The following CDCA7 variants were observed in gnomAD, a reference collection of about 807,000 sequenced individuals.
CDCA7 encodes the protein cell division cycle associated 7.
Under a neutral mutation model 54.0 loss-of-function variants are expected in CDCA7, and 28 were observed. The observed-to-expected ratio is 0.52, with a 90% CI of 0.38 to 0.71. CDCA7 has a LOEUF of 0.71. Among genes scored for constraint, CDCA7 ranks in the 30% least tolerant of loss-of-function variants. The pLI, the probability that CDCA7 is intolerant of heterozygous loss-of-function variation, is 0.00. For synonymous variants in CDCA7, 180 were observed against 208.2 expected, an observed-to-expected ratio of 0.86 and a Z score of 1.16; for missense variants, 484 against 586.0, an observed-to-expected ratio of 0.83 and a Z score of 1.80.
chr2:173,355,032 G>T, intron 1 of CDCA7, 48 bp downstream of exon 1: 2 of 1,310,830 alleles, frequency 1.5e-6, no homozygotes, highest in East Asian at 3.1e-5. Context: ...GTGGGTGCTG[G>T]ACGCAGGCGG....
At chr2:173,363,564 A>G in intron 4 of CDCA7, 102 bp downstream of exon 4, 2 of 1,186,652 alleles carry the variant, frequency 1.7e-6, no homozygotes, top group South Asian at 1.4e-5. Flanking sequence ...TGTTACATGA[A>G]TAAAAAGTTA....
At chr2:173,359,793 A>G (rs1034827533) in intron 3 of CDCA7, among the ~76,000 whole-genome samples, 6 of 152,184 alleles carry the variant, frequency 3.9e-5, no homozygotes, top group African/African-American at 1.4e-4. Flanking sequence ...CTAGTTCTAA[A>G]TATTATCTAC....
intron 5 of CDCA7, 97 bp downstream of exon 5, chr2:173,363,992 C>T: frequency 8.6e-7 from 1 of 1,165,786 alleles, no homozygotes; most frequent in Non-Finnish European, 1.3e-6. Flanking sequence ...ATTTGTGTGG[C>T]CTTCTAGACA....
At chr2:173,365,047 T>C in intron 6 of CDCA7, 58 bp downstream of exon 6, 1 of 1,505,122 alleles carries the variant, frequency 6.6e-7, no homozygotes, top group South Asian at 1.4e-5. Context: ...AGGCCTGGCA[T>C]CATACACAGC....
rs761979579 is a variant in CDCA7, at chr2:173,363,307, C to G, written c.466C>G (p.Pro156Ala). ...SGPLRVAMKF[P>A]ARSTRGATNK... The stretch of plus-strand genomic sequence containing the variant: ...ACCTCTCAGGGTGGCGATGAAGTTT[C>G]CAGCGCGGAGTACCAGGGGAGCAAC... Residue 156 changes from proline to alanine, a missense_variant, in exon 4 of 10, where the codon CCA becomes GCA. Physicochemically the swap from Pro to Ala is conservative, Grantham distance 27 (BLOSUM62 -1). This residue lies in a region of CDCA7 where 398 missense variants were observed against 447.4 expected (regional missense o/e 0.89). Transcript: ENST00000306721. 2 of 1,614,150 alleles carry G rather than the reference C, an allele frequency of 1.2e-6. No homozygotes were observed. Among genetic ancestry groups the G allele is most frequent in the Non-Finnish European group, 1.7e-6 (2 of 1,180,034 alleles).
Position 173,366,999 on chromosome 2 carries a change from A to T in CDCA7, c.1186-151A>T. 1 of 1,128,410 alleles carries T rather than the reference A, an allele frequency of 8.9e-7. No homozygotes were observed. The highest frequency in any genetic ancestry group is 1.2e-6 in the Non-Finnish European group (1 of 801,748). 69.9% of individuals were successfully genotyped at this position (1,128,410 alleles called of 1,614,324 possible). On this transcript the variant is annotated intron_variant, in intron 8 of 9. Transcript: ENST00000306721. The surrounding 1 kb of genome is among the most constrained non-coding windows in gnomAD (Gnocchi z 4.5). ...GCTTGTAACTTCCACTCCTGGAAGG[A>T]AGCATTAGGCATTAGGAAACATTAG...
At position 173,367,340 on chromosome 2, in the gene CDCA7, C is replaced by G. The variant is rs1467028801; in HGVS notation, c.1322+54C>G. On this transcript the variant is annotated intron_variant, in intron 9 of 9. Coordinates refer to ENST00000306721, the MANE Select transcript of CDCA7 (RefSeq NM_031942.5). ...ATCTGAATTTTATATTCATTTATGT[C>G]TTAATGAGAAGATGATAGATGTCAG... 1.0e-5 allele frequency: 16 copies of G among 1,606,400 alleles called. No homozygotes were observed. In the Admixed American group the frequency reaches 2.5e-4, roughly 25 times the overall value.
chr2:173,356,693 C>CG (rs1351618823), intron 1 of CDCA7, among the ~76,000 whole-genome samples: 1 of 152,142 alleles, frequency 6.6e-6, no homozygotes, highest in East Asian at 1.9e-4. Flanking sequence ...TTAGTAGAGA[C>CG]GGGGTTTCAC....
intron 6 of CDCA7, 66 bp downstream of exon 6, chr2:173,365,055 A>G: frequency 6.7e-7 from 1 of 1,493,534 alleles, no homozygotes. Context: ...CATCATACAC[A>G]GCACAGGTAC....
chr2:173,358,931 T>A, intron 2 of CDCA7, 94 bp downstream of exon 2: 1 of 1,458,272 alleles, frequency 6.9e-7, no homozygotes, highest in Non-Finnish European at 9.3e-7. Context: ...GCTTTTTGCC[T>A]ACATTTCTAT....
intron 1 of CDCA7, 96 bp downstream of exon 1, chr2:173,355,080 T>A (rs1318961397): frequency 4.9e-6 from 6 of 1,223,872 alleles, no homozygotes; most frequent in Non-Finnish European, 6.2e-6. Context: ...AGCCTAGCGC[T>A]GCCTTAACTG....
intron 7 of CDCA7, among the ~76,000 whole-genome samples, chr2:173,365,934 G>C (rs1235106309): frequency 6.6e-6 from 1 of 152,180 alleles, no homozygotes; most frequent in African/African-American, 2.4e-5. Context: ...ATTTGGGTAG[G>C]TTATTTTTTA....
intron 5 of CDCA7, chr2:173,364,338 G>A (rs1402247646): frequency 6.1e-6 from 1 of 163,872 alleles, no homozygotes; most frequent in African/African-American, 2.4e-5. Context: ...AATTAAGGTG[G>A]TACAACTTAG....
Position 173,359,357 on chromosome 2 carries a change from GA to G in CDCA7, c.251del (p.Asp84ValfsTer3). On this transcript the variant is annotated frameshift_variant, in exon 3 of 10. Coordinates refer to ENST00000306721, the MANE Select transcript of CDCA7 (RefSeq NM_031942.5). LOFTEE classifies it high-confidence loss of function. ...FCGFSESEVQ[D>X]VLDHCGFLQK... Reference sequence around the variant, plus strand: ...CGGCTTTTCAGAAAGTGAGGTGCAAGATGTATTAGACCATTGTGGATTTTTA... The same window carrying G: ...CGGCTTTTCAGAAAGTGAGGTGCAAGTGTATTAGACCATTGTGGATTTTTA... The G allele has an allele frequency of 6.2e-7, 1 of 1,614,204 alleles. No homozygotes were observed. Among genetic ancestry groups the G allele is most frequent in the South Asian group, 1.1e-5 (1 of 91,084 alleles).
At chr2:173,360,541 T>C (rs1686600182) in intron 3 of CDCA7, among the ~76,000 whole-genome samples, 1 of 152,166 alleles carries the variant, frequency 6.6e-6, no homozygotes, top group South Asian at 2.1e-4. Context: ...TGCACTGGTG[T>C]GATCATGGCT....
At position 173,367,661 on chromosome 2, in the gene CDCA7, A is replaced by G. The variant is rs763557777; in HGVS notation, c.1350A>G (p.Ala450=). ...TGAAACAGGAATTTGAAATGCAAGCATAATATCTGGAAAATTTGCTGCCTG... is the reference window on the plus strand; with the variant it reads ...TGAAACAGGAATTTGAAATGCAAGCGTAATATCTGGAAAATTTGCTGCCTG... The part of the protein sequence containing the change: ...KSLKQEFEMQ[A] Residue 450 remains alanine, a synonymous_variant, in exon 10 of 10, where the codon GCA becomes GCG. Coordinates refer to ENST00000306721, the MANE Select transcript of CDCA7 (RefSeq NM_031942.5). The G allele has an allele frequency of 6.4e-5, 104 of 1,614,066 alleles. No homozygotes were observed. Among genetic ancestry groups the G allele is most frequent in the Admixed American group, 1.5e-4 (9 of 60,006 alleles).
intron 2 of CDCA7, 57 bp from the exon 3 acceptor site, chr2:173,359,198 A>G: frequency 1.5e-5 from 21 of 1,428,548 alleles, no homozygotes; most frequent in Non-Finnish European, 1.9e-5. Context: ...TTTATGGAAA[A>G]TTGGTTCTTG....
In CDCA7 at chr2:173,368,471, G is replaced by T. The variant is rs1276695250; in HGVS notation, c.*807G>T. The stretch of plus-strand genomic sequence containing the variant: ...TATTTCAGTTCACATGTAAGGTATT[G>T]CAAATAAATTCTTGGACAATTTTGT... On this transcript the variant is annotated 3_prime_UTR_variant, in exon 10 of 10. Coordinates refer to ENST00000306721, the MANE Select transcript of CDCA7 (RefSeq NM_031942.5). 1.3e-5 allele frequency: 2 copies of T among 152,190 alleles called. No homozygotes were observed. The highest frequency in any genetic ancestry group is 1.3e-4 in the Admixed American group (2 of 15,286). 9.4% of individuals were successfully genotyped at this position (152,190 alleles called of 1,614,324 possible).
intron 1 of CDCA7, among the ~76,000 whole-genome samples, chr2:173,355,607 T>A (rs1278476285): frequency 6.6e-6 from 1 of 152,154 alleles, no homozygotes; most frequent in Non-Finnish European, 1.5e-5. Flanking sequence ...TTAAAGGGCT[T>A]GGTGGGTCAA....
Sources: gnomAD v4.1 joint callset for allele counts (sites outside exome capture counted in the v4.1 genomes callset) on GRCh38, gnomAD v4.1.1 for gene constraint, gnomAD v4.1.1 regional missense constraint, Gnocchi (gnomAD v3.1) non-coding constraint, MANE v1.5 for transcripts, NCBI Gene and HGNC (gene_info 2026-07-23, HGNC 2026-07-21) for gene names.